Variants in KIAA1671 observed in about 807,000 individuals in gnomAD.
KIAA1671 encodes uncharacterized protein KIAA1671.
KIAA1671 carries 52 observed loss-of-function variants against 131.2 expected under a neutral mutation model. The observed-to-expected ratio is 0.40, with a 90% confidence interval of 0.32 to 0.50. The LOEUF is 0.50. Ranked by LOEUF, KIAA1671 falls within the 20% of genes least tolerant of loss-of-function variation. KIAA1671 has a pLI of 0.73. For missense variants in KIAA1671, 2,360 were observed against 2,364.2 expected (o/e 1.00, Z 0.04); for synonymous variants, 1,003 against 961.6 (o/e 1.04, Z -0.80).
chr22:24,961,327 A>C (rs1019123974), intron 1 of KIAA1671, among the ~76,000 whole-genome samples: 1 of 151,878 alleles, frequency 6.6e-6, no homozygotes, highest in Non-Finnish European at 1.5e-5. Flanking sequence ...ACTGCTGGAG[A>C]CTCTGTCTCG....
intron 6 of KIAA1671, among the ~76,000 whole-genome samples, chr22:25,074,734 C>T (rs1929016796): frequency 6.6e-6 from 1 of 151,936 alleles, no homozygotes; most frequent in Non-Finnish European, 1.5e-5. Flanking sequence ...TCTGTCTGTC[C>T]AACTATACAA....
At chr22:25,086,027 CTGAA>C (rs1397830096) in intron 6 of KIAA1671, among the ~76,000 whole-genome samples, 1 of 152,146 alleles carries the variant, frequency 6.6e-6, no homozygotes, top group Non-Finnish European at 1.5e-5. Flanking sequence ...GAATGTTATG[CTGAA>C]TGAATGAATG....
At chr22:25,147,859 G>C (rs964155627) in intron 6 of KIAA1671, among the ~76,000 whole-genome samples, 1 of 152,110 alleles carries the variant, frequency 6.6e-6, no homozygotes, top group African/African-American at 2.4e-5. Flanking sequence ...GTAACAACTC[G>C]AAGAGGCGAG....
intron 6 of KIAA1671, among the ~76,000 whole-genome samples, chr22:25,077,918 C>T (rs939691081): frequency 6.6e-6 from 1 of 152,202 alleles, no homozygotes; most frequent in Non-Finnish European, 1.5e-5. Flanking sequence ...AGTCATGAAA[C>T]AGCAAAAGAT....
At chr22:25,002,827 T>A (rs1924549145) in intron 1 of KIAA1671, among the ~76,000 whole-genome samples, 1 of 152,114 alleles carries the variant, frequency 6.6e-6, no homozygotes, top group African/African-American at 2.4e-5. Context: ...TTACCCAGGC[T>A]GGAGTGCAGT....
rs1926906438 is a variant in KIAA1671 at position 25,041,218 on chromosome 22, C to T, written c.4088C>T (p.Ser1363Leu). The change falls in exon 5 of 13, where the codon TCA becomes TTA. Residue 1363 changes from serine (S) to leucine (L), a missense_variant. Around this residue, in one of 3 missense-constraint regions of KIAA1671, gnomAD observed 1,161 missense variants for 1,204.7 expected, o/e 0.96. Transcript: ENST00000358431. ...REDPGSGVRVSPKSPPTDQKK... is the reference protein window; with the variant it reads ...REDPGSGVRVLPKSPPTDQKK... ...GATCCAGGCAGTGGGGTCAGGGTGT[C>T]ACCCAAATCGCCCCCCACTGACCAG... is the stretch of plus-strand genomic sequence containing the variant. The T allele has an allele frequency of 1.9e-6, 3 of 1,551,730 alleles. No individual in the cohort carries two copies. The highest frequency in any genetic ancestry group is 1.2e-5 in the South Asian group (1 of 84,064).
At chr22:25,046,234 G>A (rs534113892) in intron 5 of KIAA1671, among the ~76,000 whole-genome samples, 9 of 152,168 alleles carry the variant, frequency 5.9e-5, no homozygotes, top group African/African-American at 1.7e-4. Flanking sequence ...CCCAGGAAGC[G>A]GAGATTGTAG....
intron 6 of KIAA1671, among the ~76,000 whole-genome samples, chr22:25,094,645 G>A (rs1930311759): frequency 6.6e-6 from 1 of 152,100 alleles, no homozygotes; most frequent in Non-Finnish European, 1.5e-5. Flanking sequence ...GTCTTAGGGA[G>A]GTAGGATTAA....
At position 25,049,288 on chromosome 22, in the gene KIAA1671, A is replaced by C; in HGVS notation, c.4454A>C (p.Gln1485Pro). Residue 1485 changes from glutamine to proline, a missense_variant, in exon 6 of 13, where the codon CAG (glutamine) becomes CCG (proline). Coordinates refer to ENST00000358431, the MANE Select transcript of KIAA1671 (RefSeq NM_001145206.2). ...DAPQEKERPL[Q>P]QVSPVASVPW... The stretch of plus-strand genomic sequence containing the variant: ...CCCCAGGAGAAGGAGCGACCGCTCC[A>C]GCAGGTGTCCCCTGTGGCCTCGGTT... The C allele has an allele frequency of 6.4e-7, 1 of 1,551,886 alleles. No homozygotes were observed. The highest frequency in any genetic ancestry group is 8.7e-7 in the Non-Finnish European group (1 of 1,146,996).
At chr22:25,072,355 G>A (rs1928875080) in intron 6 of KIAA1671, among the ~76,000 whole-genome samples, 1 of 152,190 alleles carries the variant, frequency 6.6e-6, no homozygotes, top group African/African-American at 2.4e-5. Context: ...CCATGAAGAG[G>A]TAGGATGAGG....
chr22:25,144,664 A>G (rs1568978161), intron 6 of KIAA1671, among the ~76,000 whole-genome samples: 1 of 152,192 alleles, frequency 6.6e-6, no homozygotes, highest in East Asian at 1.9e-4. Context: ...ACAGCAACTG[A>G]GTGAAGTGTT....
intron 5 of KIAA1671, 161 bp from the exon 6 acceptor site, chr22:25,049,069 C>G: frequency 1.2e-6 from 1 of 854,314 alleles, no homozygotes; most frequent in South Asian, 2.0e-5. Flanking sequence ...CCAGAGCTAC[C>G]GCCCTACATG....
chr22:24,969,074 A>AT (rs1341197786), intron 1 of KIAA1671, among the ~76,000 whole-genome samples: 1 of 151,746 alleles, frequency 6.6e-6, no homozygotes, highest in Non-Finnish European at 1.5e-5. Context: ...AATTTTTAAA[A>AT]TTTTTTTGCA....
In KIAA1671 at chr22:25,089,899, G is replaced by T. The variant is rs545828991; in HGVS notation, c.4530+40535G>T. 2.0e-5 allele frequency among the ~76,000 whole-genome samples: 3 copies of T among 152,324 alleles called. No individual in the cohort carries two copies. The South Asian group carries it at 6.2e-4, about 32-fold the overall frequency. On this transcript the variant is annotated intron_variant, in intron 6 of 12. Transcript: ENST00000358431. The stretch of plus-strand genomic sequence containing the variant: ...TTCTGGGTCATCTAAAGATTGAACA[G>T]GGGTTTTCTAGGTGGGCTGGGACTG...
Position 25,174,450 on chromosome 22 carries a change from C to T in KIAA1671, c.4860C>T (p.Ala1620=). 1 of 1,544,638 alleles carries T rather than the reference C, an allele frequency of 6.5e-7. No individual in the cohort carries two copies. Among genetic ancestry groups the T allele is most frequent in the Non-Finnish European group, 8.8e-7 (1 of 1,141,782 alleles). The change falls in exon 8 of 13, where the codon GCC becomes GCT. Residue 1620 remains alanine (A), a synonymous_variant. Transcript: ENST00000358431. ...DGMEGPPPPD[A]CPEKRVDDFS... The stretch of plus-strand genomic sequence containing the variant: ...TGGAGGGGCCGCCTCCACCGGACGC[C>T]TGCCCTGAAAAGAGAGTAGATGACT...
intron 7 of KIAA1671, 125 bp downstream of exon 7, chr22:25,171,063 T>A: frequency 1.3e-6 from 1 of 746,232 alleles, no homozygotes; most frequent in East Asian, 2.7e-5. Flanking sequence ...AAGGAACCCA[T>A]TCTTCTTTTA....
intron 6 of KIAA1671, among the ~76,000 whole-genome samples, chr22:25,068,131 T>C (rs1928580903): frequency 6.8e-6 from 1 of 146,024 alleles, no homozygotes; most frequent in Admixed American, 6.7e-5. Context: ...GCTTTTCAGC[T>C]GTACTGTCTG....
chr22:25,020,882 T>A (rs1223148961), intron 1 of KIAA1671, among the ~76,000 whole-genome samples: 2 of 152,048 alleles, frequency 1.3e-5, no homozygotes, highest in African/African-American at 4.8e-5. Flanking sequence ...ACGAAGAGGA[T>A]CTGGATCCTG....
chr22:24,965,426 AC>A (rs1241195074), intron 1 of KIAA1671, among the ~76,000 whole-genome samples: 2 of 151,434 alleles, frequency 1.3e-5, no homozygotes, highest in Non-Finnish European at 2.9e-5. Context: ...AAAAAAAAAA[AC>A]GGGAGACCTC....
Sources: allele counts gnomAD v4.1 joint callset (sites outside exome capture counted in the v4.1 genomes callset), GRCh38; gene constraint gnomAD v4.1.1; regional missense constraint gnomAD v4.1.1; transcripts MANE v1.5; gene names NCBI Gene and HGNC (gene_info 2026-07-23, HGNC 2026-07-21).